Variants in KIF16B observed in about 807,000 individuals in gnomAD.
The protein encoded by KIF16B is kinesin family member 16B.
A neutral mutation model predicts 156.3 loss-of-function variants in KIF16B; 98 were observed. The ratio of observed to expected loss-of-function variants is 0.63; its 90% CI spans 0.53 to 0.74. KIF16B has a LOEUF of 0.74. Among genes scored for constraint, KIF16B ranks in the 30% least tolerant of loss-of-function variants. The probability of loss-of-function intolerance (pLI) is 0.00; values close to 1 mark genes in which losing one functional copy is unlikely to be tolerated. For synonymous variants in KIF16B, 564 were observed against 583.7 expected, an observed-to-expected ratio of 0.97 and a Z score of 0.49; for missense variants, 1,421 against 1,606.5, an observed-to-expected ratio of 0.88 and a Z score of 1.97.
At chr20:16,378,528 T>C (rs985616082) in intron 19 of KIF16B, among the ~76,000 whole-genome samples, 6 of 152,110 alleles carry the variant, frequency 3.9e-5, no homozygotes, top group East Asian at 1.9e-4. Flanking sequence ...GCACATTCCA[T>C]AGGACAGTGG....
intron 11 of KIF16B, among the ~76,000 whole-genome samples, chr20:16,496,534 G>A (rs1198224313): frequency 1.3e-5 from 2 of 152,074 alleles, no homozygotes; most frequent in African/African-American, 4.8e-5. Context: ...AATTAAAATG[G>A]GTCAGCAAAA....
chr20:16,338,430 C>T (rs1295579953), intron 23 of KIF16B, among the ~76,000 whole-genome samples: 1 of 152,130 alleles, frequency 6.6e-6, no homozygotes, highest in Admixed American at 6.5e-5. Flanking sequence ...GGTTTAGAGT[C>T]TACTCACTGT....
At chr20:16,528,467 T>G in intron 1 of KIF16B, 27 bp from the exon 2 acceptor site, 1 of 1,459,884 alleles carries the variant, frequency 6.8e-7, no homozygotes, top group Non-Finnish European at 9.6e-7. Flanking sequence ...TCAGTAGTGG[T>G]TAGAAGAGAA....
intron 2 of KIF16B, among the ~76,000 whole-genome samples, chr20:16,528,064 G>C (rs571469751): frequency 6.6e-6 from 1 of 152,256 alleles, no homozygotes; most frequent in African/African-American, 2.4e-5. Flanking sequence ...CAATTGCCAG[G>C]CTAAGTCCCT....
At chr20:16,293,490 T>C (rs1304081794) in intron 25 of KIF16B, among the ~76,000 whole-genome samples, 4 of 152,216 alleles carry the variant, frequency 2.6e-5, no homozygotes, top group African/African-American at 9.7e-5. Flanking sequence ...TTTTCAGACA[T>C]GTTTCTAGAA....
At chr20:16,561,183 A>G (rs567048580) in intron 1 of KIF16B, among the ~76,000 whole-genome samples, 1 of 152,142 alleles carries the variant, frequency 6.6e-6, no homozygotes, top group East Asian at 1.9e-4. Flanking sequence ...AATGCCAGCT[A>G]CTCAAGAGGC....
rs1333096719 is a variant in KIF16B at position 16,506,091 on chromosome 20, C to A, written c.799G>T (p.Val267Phe). The change falls in exon 8 of 26, where the codon GTT becomes TTT. Residue 267 changes from valine to phenylalanine, a missense_variant. Transcript: ENST00000354981. The part of the protein sequence containing the change: ...ERADATGATG[V>F]RLKEGGNINK... ...ATATTTCCCCCTTCCTTTAGCCTAA[C>A]CCCGGTGGCTCCGGTGGCATCTGCA... 3 of 1,613,944 alleles carry A rather than the reference C, an allele frequency of 1.9e-6. No homozygotes were observed. Among genetic ancestry groups the A allele is most frequent in the Non-Finnish European group, 2.5e-6 (3 of 1,179,926 alleles).
intron 16 of KIF16B, 96 bp from the exon 17 acceptor site, chr20:16,404,997 T>A: frequency 1.2e-6 from 1 of 805,264 alleles, no homozygotes; most frequent in Non-Finnish European, 2.1e-6. Context: ...GACAATGAGG[T>A]GCACATGCTC....
chr20:16,567,597 A>G (rs1214517342), intron 1 of KIF16B, among the ~76,000 whole-genome samples: 3 of 152,198 alleles, frequency 2.0e-5, no homozygotes, highest in Admixed American at 1.3e-4. Flanking sequence ...GAGGGGTCTC[A>G]GTCTCCCCTG....
intron 1 of KIF16B, among the ~76,000 whole-genome samples, chr20:16,536,379 G>A (rs2069964519): frequency 6.6e-6 from 1 of 152,116 alleles, no homozygotes; most frequent in African/African-American, 2.4e-5. Context: ...GTAGGTTAAT[G>A]GGTACAAACA....
chr20:16,280,841 C>CGCGCGCGTGTGT (rs112026824), intron 25 of KIF16B, among the ~76,000 whole-genome samples: 19 of 74,432 alleles, frequency 2.6e-4, no homozygotes, highest in Admixed American at 2.5e-3. Context: ...TGCGCGCGCA[C>CGCGCGCGTGTGT]GTGTGTGTGT....
chr20:16,293,820 GTAAAC>G (rs1336187611), intron 25 of KIF16B, among the ~76,000 whole-genome samples: 1 of 152,064 alleles, frequency 6.6e-6, no homozygotes, highest in Non-Finnish European at 1.5e-5. Context: ...GATGAGTACT[GTAAAC>G]TAAGCAAACA....
At position 16,427,259 on chromosome 20, in the gene KIF16B, A is replaced by G; in HGVS notation, c.1475-18T>C. On this transcript the variant is annotated intron_variant, in intron 14 of 25. Coordinates refer to ENST00000354981, the MANE Select transcript of KIF16B (RefSeq NM_024704.5). ...ATGAAGAACTAAAGTGGAAAAACAA[A>G]GTAGAAAGAATTTTTCCCCCTTTTC... 1 of 1,596,570 alleles carries G rather than the reference A, an allele frequency of 6.3e-7. No homozygotes were observed. The highest frequency in any genetic ancestry group is 8.5e-7 in the Non-Finnish European group (1 of 1,173,142).
In KIF16B at chr20:16,290,018, T is replaced by C. The variant is rs920842339; in HGVS notation, c.3796-16607A>G. Reference sequence around the variant, plus strand: ...TTTTAGATGCTCTGATTCTCAAAAGTGCCATTTGGAAAACAAAAAAGATGT... The same window carrying C: ...TTTTAGATGCTCTGATTCTCAAAAGCGCCATTTGGAAAACAAAAAAGATGT... On this transcript the variant is annotated intron_variant, in intron 25 of 25. Coordinates refer to ENST00000354981, the MANE Select transcript of KIF16B (RefSeq NM_024704.5). 3.9e-5 allele frequency among the ~76,000 whole-genome samples: 6 copies of C among 152,324 alleles called. No individual in the cohort carries two copies. In the East Asian group the frequency reaches 7.7e-4, roughly 20 times the overall value.
At chr20:16,367,398 T>C in intron 22 of KIF16B, 1 of 1,612,908 alleles carries the variant, frequency 6.2e-7, no homozygotes, top group Non-Finnish European at 8.5e-7. Context: ...CACACCTGAA[T>C]TCACTTAAAG....
At chr20:16,566,715 TTATTCAG>T (rs1375247274) in intron 1 of KIF16B, among the ~76,000 whole-genome samples, 1 of 152,234 alleles carries the variant, frequency 6.6e-6, no homozygotes, top group African/African-American at 2.4e-5. Context: ...ATTCAAGCCT[TTATTCAG>T]ACTTGCTGCA....
chr20:16,494,259 A>T, intron 12 of KIF16B, 32 bp downstream of exon 12: 1 of 1,348,944 alleles, frequency 7.4e-7, no homozygotes, highest in Non-Finnish European at 1.0e-6. Context: ...AATCCACCAT[A>T]GTAAGACTAA....
chr20:16,461,849 G>C (rs2067353718), intron 12 of KIF16B, among the ~76,000 whole-genome samples: 1 of 152,166 alleles, frequency 6.6e-6, no homozygotes, highest in Non-Finnish European at 1.5e-5. Flanking sequence ...ACTAACGAAG[G>C]CAGTTATTTG....
intron 12 of KIF16B, among the ~76,000 whole-genome samples, chr20:16,437,997 A>T (rs545839848): frequency 1.3e-5 from 2 of 151,588 alleles, no homozygotes; most frequent in African/African-American, 2.4e-5. Flanking sequence ...AATAAAAAAA[A>T]AAAAACAGGT....
Sources: gnomAD v4.1 joint callset for allele counts (sites outside exome capture counted in the v4.1 genomes callset) on GRCh38, gnomAD v4.1.1 for gene constraint, MANE v1.5 for transcripts, NCBI Gene and HGNC (gene_info 2026-07-23, HGNC 2026-07-21) for gene names.